C10orf90: variants seen among roughly 807,000 people sequenced by gnomAD.
C10orf90 encodes the protein (E2-independent) E3 ubiquitin-conjugating enzyme FATS.
C10orf90 carries 56 observed loss-of-function variants against 62.5 expected under a neutral mutation model. That is an observed-to-expected ratio of 0.90 (90% CI 0.72 to 1.12). C10orf90 has a LOEUF of 1.12. Among genes scored for constraint, C10orf90 ranks in the 50% most tolerant of loss-of-function variants. The pLI is 0.00. For missense variants in C10orf90, 970 were observed against 880.4 expected, an observed-to-expected ratio of 1.10 and a Z score of -1.29; for synonymous variants, 386 against 340.4, an observed-to-expected ratio of 1.13 and a Z score of -1.47.
intron 4 of C10orf90, among the ~76,000 whole-genome samples, chr10:126,488,568 C>T (rs1454411845): frequency 1.3e-5 from 2 of 149,208 alleles, no homozygotes; most frequent in East Asian, 3.9e-4. Context: ...TAAAATAAAA[C>T]CTGGATATTT....
intron 1 of C10orf90, among the ~76,000 whole-genome samples, chr10:126,647,004 A>T (rs1273813009): frequency 1.3e-5 from 2 of 152,326 alleles, no homozygotes; most frequent in South Asian, 4.1e-4. Context: ...GAAGCTAGAC[A>T]TTCAATAAAT....
chr10:126,551,490 T>C (rs1212937123), intron 2 of C10orf90, among the ~76,000 whole-genome samples: 4 of 152,196 alleles, frequency 2.6e-5, no homozygotes, highest in Non-Finnish European at 2.9e-5. Context: ...ATTGAATTCC[T>C]GAATGGTTAA....
chr10:126,443,347 C>T (rs930688991), intron 7 of C10orf90, among the ~76,000 whole-genome samples: 1 of 151,974 alleles, frequency 6.6e-6, no homozygotes, highest in Non-Finnish European at 1.5e-5. Context: ...ACAACTGATA[C>T]CACAGAAATA....
intron 2 of C10orf90, among the ~76,000 whole-genome samples, chr10:126,548,290 C>T (rs1195302577): frequency 6.6e-6 from 1 of 151,630 alleles, no homozygotes; most frequent in Non-Finnish European, 1.5e-5. Flanking sequence ...TGCCTGTAAT[C>T]CCAGGACTTT....
intron 4 of C10orf90, among the ~76,000 whole-genome samples, chr10:126,490,363 GAATGGGGAGTTAGTGTTT>G (rs1861701665): frequency 6.6e-6 from 1 of 151,672 alleles, no homozygotes; most frequent in Non-Finnish European, 1.5e-5. Context: ...GGCTTCCAGA[GAATGGGGAGTTAGTGTTT>G]AATGGGGAGT....
intron 2 of C10orf90, among the ~76,000 whole-genome samples, chr10:126,608,180 C>G (rs917544082): frequency 6.6e-6 from 1 of 152,200 alleles, no homozygotes; most frequent in East Asian, 1.9e-4. Flanking sequence ...GCCATCAGGG[C>G]TCACTGCAGC....
intron 2 of C10orf90, among the ~76,000 whole-genome samples, chr10:126,518,060 GTT>G (rs3040749): frequency 0.89 from 134,806 of 151,324 alleles, 60,247 homozygotes; most frequent in African/African-American, 0.97. Context: ...ACTCTTGTAT[GTT>G]TTTTTTTTTC....
intron 2 of C10orf90, among the ~76,000 whole-genome samples, chr10:126,573,340 G>A (rs1844546873): frequency 6.6e-6 from 1 of 152,192 alleles, no homozygotes; most frequent in South Asian, 2.1e-4. Context: ...TTAGGTCAGG[G>A]CTCGATCTTT....
intron 2 of C10orf90, among the ~76,000 whole-genome samples, chr10:126,597,409 G>A (rs900121973): frequency 6.6e-6 from 1 of 152,226 alleles, no homozygotes; most frequent in East Asian, 1.9e-4. Context: ...GAGGAGCTGC[G>A]TGATTGGGGC....
intron 1 of C10orf90, among the ~76,000 whole-genome samples, chr10:126,651,281 G>A (rs563451214): frequency 3.9e-5 from 6 of 152,190 alleles, no homozygotes; most frequent in East Asian, 1.9e-4. Flanking sequence ...TCTGTATTCC[G>A]AGAGTTTTTC....
chr10:126,666,486 T>C (rs2133878747), intron 1 of C10orf90, among the ~76,000 whole-genome samples: 1 of 152,168 alleles, frequency 6.6e-6, no homozygotes, highest in East Asian at 1.9e-4. Context: ...CAGATGCTGA[T>C]AAAATGAGGA....
At chr10:126,634,465 G>A (rs1337524295) in intron 2 of C10orf90, among the ~76,000 whole-genome samples, 2 of 152,178 alleles carry the variant, frequency 1.3e-5, no homozygotes, top group Middle Eastern at 3.4e-3. Flanking sequence ...TGGAAGGCAG[G>A]GAAACATGAA....
chr10:126,572,887 A>G (rs1844535739), intron 2 of C10orf90, among the ~76,000 whole-genome samples: 1 of 152,108 alleles, frequency 6.6e-6, no homozygotes, highest in South Asian at 2.1e-4. Flanking sequence ...GTCTTCAAAA[A>G]GGAGGCATGA....
chr10:126,658,953 C>T (rs1323535180), intron 1 of C10orf90, among the ~76,000 whole-genome samples: 1 of 152,200 alleles, frequency 6.6e-6, no homozygotes, highest in Non-Finnish European at 1.5e-5. Context: ...CTCCAGATTG[C>T]AGAGGCTGAA....
At chr10:126,575,765 A>T (rs1844598446) in intron 2 of C10orf90, among the ~76,000 whole-genome samples, 1 of 152,060 alleles carries the variant, frequency 6.6e-6, no homozygotes. Flanking sequence ...AGAACCCAGA[A>T]ATTAATCTAC....
At chr10:126,502,865 A>G (rs201618836) in intron 4 of C10orf90, 2 of 507,688 alleles carry the variant, frequency 3.9e-6, no homozygotes, top group African/African-American at 2.0e-5. Flanking sequence ...TGGTTTAATC[A>G]ATCTGAAAGC....
At chr10:126,507,932 C>T (rs895392198) in intron 3 of C10orf90, among the ~76,000 whole-genome samples, 7 of 151,978 alleles carry the variant, frequency 4.6e-5, no homozygotes, top group African/African-American at 1.4e-4. Context: ...GGTACACATT[C>T]CCTCCCATTT....
chr10:126,521,910 C>T (rs1368433878), intron 2 of C10orf90, among the ~76,000 whole-genome samples: 1 of 152,168 alleles, frequency 6.6e-6, no homozygotes, highest in Non-Finnish European at 1.5e-5. Context: ...GTAAAACTGA[C>T]TTTTAAAAAA....
chr10:126,541,070 A>G (rs1864364054), intron 2 of C10orf90, among the ~76,000 whole-genome samples: 1 of 152,216 alleles, frequency 6.6e-6, no homozygotes, highest in African/African-American at 2.4e-5. Context: ...CAAAATATCT[A>G]GAAGCCGTGA....
Sources: gnomAD v4.1 joint callset for allele counts (sites outside exome capture counted in the v4.1 genomes callset) on GRCh38, gnomAD v4.1.1 for gene constraint, MANE v1.5 for transcripts, NCBI Gene and HGNC (gene_info 2026-07-23, HGNC 2026-07-21) for gene names.